Variants in ROBO2 observed in about 807,000 individuals in gnomAD.
ROBO2 encodes roundabout homolog 2.
A neutral mutation model predicts 160.8 loss-of-function variants in ROBO2; 53 were observed. The observed-to-expected ratio is 0.33, with a 90% CI of 0.26 to 0.41. ROBO2 has a LOEUF of 0.41. Among genes scored for constraint, ROBO2 ranks in the 10% least tolerant of loss-of-function variants. The pLI is 1.00. For missense variants in ROBO2, 1,577 were observed against 1,722.4 expected (o/e 0.92, Z 1.49); for synonymous variants, 664 against 611.7 (o/e 1.09, Z -1.26).
chr3:77,602,571 C>A, intron 20 of ROBO2, 80 bp downstream of exon 21: 1 of 1,525,226 alleles, frequency 6.6e-7, no homozygotes, highest in Non-Finnish European at 9.1e-7. Flanking sequence ...TGTTGTTTGA[C>A]TTAGTGATTC....
intron 2 of ROBO2, among the ~76,000 whole-genome samples, chr3:76,450,702 A>G (rs1322191470): frequency 1.3e-5 from 2 of 152,094 alleles, no homozygotes; most frequent in Non-Finnish European, 2.9e-5. Context: ...TCTTGCATTC[A>G]ATGTTGAGTT....
intron 2 of ROBO2, among the ~76,000 whole-genome samples, chr3:76,234,772 C>T (rs148114666): frequency 3.3e-5 from 5 of 152,152 alleles, no homozygotes; most frequent in Non-Finnish European, 7.3e-5. Flanking sequence ...TTTGAACTTC[C>T]TTGGCACAAG....
chr3:77,355,474 G>A (rs1372048874), intron 2 of ROBO2, among the ~76,000 whole-genome samples: 1 of 152,098 alleles, frequency 6.6e-6, no homozygotes, highest in Non-Finnish European at 1.5e-5. Context: ...GTGGGAGTGG[G>A]GTTGTGAAGA....
intron 2 of ROBO2, among the ~76,000 whole-genome samples, chr3:76,500,500 C>G (rs946722194): frequency 6.6e-6 from 1 of 152,146 alleles, no homozygotes; most frequent in Non-Finnish European, 1.5e-5. Flanking sequence ...GCCTAACTAC[C>G]CTAGGACCAA....
At chr3:77,394,106 C>CTTTCAAAAA (rs2075023877) in intron 2 of ROBO2, among the ~76,000 whole-genome samples, 1 of 152,064 alleles carries the variant, frequency 6.6e-6, no homozygotes, top group Non-Finnish European at 1.5e-5. Context: ...TCAAAAGCAA[C>CTTTCAAAAA]GGTGATTATA....
rs559973306 is a variant in ROBO2, at chr3:76,751,950, C to A, written c.110-346064C>A. Among the ~76,000 whole-genome samples, 31 of 152,134 alleles carry A rather than the reference C, an allele frequency of 2.0e-4. No individual in the cohort carries two copies. In the South Asian group the frequency reaches 5.8e-3, roughly 29 times the overall value. ...AGCCATCCCATTACTGGGTATATACCCAGATGTTTATAAATCATACTCCCA... is the reference window on the plus strand; with the variant it reads ...AGCCATCCCATTACTGGGTATATACACAGATGTTTATAAATCATACTCCCA... On this transcript the variant is annotated intron_variant, in intron 2 of 26. Transcript: ENST00000487694.
intron 2 of ROBO2, among the ~76,000 whole-genome samples, chr3:76,251,421 G>A (rs1169586093): frequency 6.6e-6 from 1 of 152,046 alleles, no homozygotes; most frequent in Non-Finnish European, 1.5e-5. Context: ...TTATGCTCTG[G>A]ATGAAATTAA....
intron 2 of ROBO2, among the ~76,000 whole-genome samples, chr3:76,229,386 T>C (rs1704484822): frequency 1.4e-5 from 2 of 147,278 alleles, no homozygotes; most frequent in Admixed American, 6.7e-5. Flanking sequence ...AATAACTAAT[T>C]TAGCTGATTT....
chr3:76,772,134 A>C (rs990102768), intron 2 of ROBO2, among the ~76,000 whole-genome samples: 1 of 151,304 alleles, frequency 6.6e-6, no homozygotes, highest in Non-Finnish European at 1.5e-5. Flanking sequence ...GCCCCACGGC[A>C]TGTGGGCTTT....
chr3:76,904,029 C>CA, intron 2 of ROBO2, among the ~76,000 whole-genome samples: 1 of 151,938 alleles, frequency 6.6e-6, no homozygotes, highest in African/African-American at 2.4e-5. Context: ...ATTACCTTCA[C>CA]AAAAAAAGTA....
exon 7 of ROBO2, chr3:77,546,341 C>G: frequency 6.2e-7 from 1 of 1,612,964 alleles, no homozygotes; most frequent in Non-Finnish European, 8.5e-7. Flanking sequence ...ATTATAGCTC[C>G]CCCACAGTTT....
intron 2 of ROBO2, among the ~76,000 whole-genome samples, chr3:76,980,892 A>T (rs2060064510): frequency 6.6e-6 from 1 of 152,048 alleles, no homozygotes; most frequent in African/African-American, 2.4e-5. Context: ...TCTACATATA[A>T]ATTTGTCTTT....
At chr3:76,841,129 A>G (rs2068220309) in intron 2 of ROBO2, among the ~76,000 whole-genome samples, 1 of 152,202 alleles carries the variant, frequency 6.6e-6, no homozygotes, top group African/African-American at 2.4e-5. Context: ...GCTAAAAACA[A>G]TAATTTAGAG....
chr3:76,095,730 C>G (rs922145299), intron 2 of ROBO2, among the ~76,000 whole-genome samples: 4 of 149,120 alleles, frequency 2.7e-5, no homozygotes, highest in Non-Finnish European at 5.9e-5. Flanking sequence ...GAATTATATA[C>G]AAGACACATA....
chr3:76,342,488 A>T (rs1559794272), intron 2 of ROBO2, among the ~76,000 whole-genome samples: 1 of 152,102 alleles, frequency 6.6e-6, no homozygotes. Flanking sequence ...GAGTGTAGGG[A>T]ACCCAACTTT....
intron 21 of ROBO2, among the ~76,000 whole-genome samples, chr3:77,612,245 G>A (rs1399636160): frequency 6.6e-6 from 1 of 152,158 alleles, no homozygotes; most frequent in Non-Finnish European, 1.5e-5. Flanking sequence ...TTGAAATTCT[G>A]TCACTCAAAT....
chr3:77,295,715 A>T (rs1179570883), intron 2 of ROBO2, among the ~76,000 whole-genome samples: 2 of 151,242 alleles, frequency 1.3e-5, no homozygotes. Flanking sequence ...CACTAAAGAC[A>T]TAAAGTGAAA....
At chr3:76,511,356 A>G (rs1319146784) in intron 2 of ROBO2, among the ~76,000 whole-genome samples, 2 of 152,212 alleles carry the variant, frequency 1.3e-5, no homozygotes, top group Non-Finnish European at 2.9e-5. Context: ...TTTCACAAAC[A>G]TTTTGTACCA....
At chr3:76,468,609 C>T (rs374786151) in intron 2 of ROBO2, among the ~76,000 whole-genome samples, 2 of 151,914 alleles carry the variant, frequency 1.3e-5, no homozygotes, top group East Asian at 3.9e-4. Flanking sequence ...TAATATTTTC[C>T]TGCTATGTTC....
Sources: gnomAD v4.1 joint callset for allele counts (sites outside exome capture counted in the v4.1 genomes callset) on GRCh38, gnomAD v4.1.1 for gene constraint, MANE v1.5 for transcripts, NCBI Gene and HGNC (gene_info 2026-07-23, HGNC 2026-07-21) for gene names.